The following ALG9 variants were observed in gnomAD, a reference collection of about 807,000 sequenced individuals.
ALG9 encodes the protein ALG9 alpha-1,2-mannosyltransferase, also known as alpha-1,2-mannosyltransferase ALG9.
In ALG9, 55 loss-of-function variants were observed where a neutral mutation model predicts 81.8. The ratio of observed to expected loss-of-function variants is 0.67; its 90% CI spans 0.54 to 0.84. The LOEUF is 0.84. Ranked by LOEUF, ALG9 falls within the 40% of genes least tolerant of loss-of-function variation. The pLI is 0.00. For missense variants in ALG9, 629 were observed against 745.0 expected, an observed-to-expected ratio of 0.84 and a Z score of 1.81; for synonymous variants, 278 against 274.3, an observed-to-expected ratio of 1.01 and a Z score of -0.13.
At chr11:111,779,426 T>C (rs1413447154), downstream of ALG9, among the ~76,000 whole-genome samples, 1 of 152,024 alleles carries the variant, frequency 6.6e-6, no homozygotes, top group Non-Finnish European at 1.5e-5. Flanking sequence ...TCAGAGGAAG[T>C]TTGTCACAAA....
At chr11:111,853,539 A>T in intron 7 of ALG9, 54 bp from the exon 8 acceptor site, 1 of 1,574,236 alleles carries the variant, frequency 6.4e-7, no homozygotes. Context: ...AAATGCTAAT[A>T]GGATAAACCT....
chr11:111,769,780 A>G, the ALG9 span, among the ~76,000 whole-genome samples: 1 of 152,344 alleles, frequency 6.6e-6, no homozygotes, highest in East Asian at 1.9e-4. Flanking sequence ...TACTTTGTTT[A>G]AAATACAAAT....
chr11:111,845,623 CT>C (rs1249646080), intron 8 of ALG9, among the ~76,000 whole-genome samples: 2 of 152,192 alleles, frequency 1.3e-5, no homozygotes, highest in African/African-American at 4.8e-5. Context: ...AACAGACCCC[CT>C]CTGCACATTT....
At chr11:111,870,139 A>G in intron 2 of ALG9, 93 bp downstream of exon 2, 2 of 1,294,054 alleles carry the variant, frequency 1.5e-6, no homozygotes, top group South Asian at 1.5e-5. Context: ...TTTTACTAGG[A>G]GTCACACTTG....
intron 4 of ALG9, among the ~76,000 whole-genome samples, chr11:111,863,274 C>T (rs1555149639): frequency 1.3e-5 from 2 of 152,152 alleles, no homozygotes; most frequent in East Asian, 1.9e-4. Flanking sequence ...GGCAGAATTG[C>T]TTGAACCCGG....
intron 13 of ALG9, among the ~76,000 whole-genome samples, chr11:111,832,211 T>G (rs1340543161): frequency 6.6e-6 from 1 of 152,240 alleles, no homozygotes; most frequent in Non-Finnish European, 1.5e-5. Context: ...CCACATTTAT[T>G]GTAGTATTTA....
chr11:111,775,143 G>GC, the ALG9 span, among the ~76,000 whole-genome samples: 1 of 152,260 alleles, frequency 6.6e-6, no homozygotes, highest in Non-Finnish European at 1.5e-5. Flanking sequence ...GATTTCAGCA[G>GC]CTAGGCACAC....
At chr11:111,773,397 A>T in the ALG9 span, among the ~76,000 whole-genome samples, 5 of 152,112 alleles carry the variant, frequency 3.3e-5, no homozygotes, top group Non-Finnish European at 7.4e-5. Context: ...GGCATGTGCC[A>T]CCATGCCTGG....
intron 13 of ALG9, among the ~76,000 whole-genome samples, chr11:111,822,722 T>TAAAC (rs1952631524): frequency 6.8e-6 from 1 of 147,258 alleles, no homozygotes; most frequent in African/African-American, 2.5e-5. Context: ...AAAAACAAAA[T>TAAAC]AAACAAACAA....
intron 9 of ALG9, among the ~76,000 whole-genome samples, chr11:111,841,051 G>A (rs1555123303): frequency 1.3e-5 from 2 of 152,054 alleles, no homozygotes. Flanking sequence ...GATTTGGTTA[G>A]GACACATATA....
At chr11:111,822,444 G>A (rs1952575201) in intron 13 of ALG9, among the ~76,000 whole-genome samples, 1 of 149,508 alleles carries the variant, frequency 6.7e-6, no homozygotes, top group Admixed American at 6.7e-5. Flanking sequence ...AGGTGCTGTG[G>A]CTCACACCTG....
Position 111,853,664 on chromosome 11 carries a change from G to T in ALG9, c.774C>A (p.Ala258=), listed in dbSNP as rs1555140959. 6.2e-7 allele frequency: 1 copy of T among 1,614,032 alleles called. No individual in the cohort carries two copies. Among genetic ancestry groups the T allele is most frequent in the Non-Finnish European group, 8.5e-7 (1 of 1,179,950 alleles). The stretch of plus-strand genomic sequence containing the variant: ...GAAAACTCACCAGAAATAGTATGAG[G>T]GCCATCAGCGACCAATGAAAGAAAC... ...WKSFFHWSLM[A]LILFLVPVVV... is the part of the protein sequence containing the mutation. Residue 258 remains alanine, a synonymous_variant, in exon 7 of 15, where the codon GCC becomes GCA. Transcript: ENST00000616540.
chr11:111,822,954 G>A (rs919497069), intron 13 of ALG9, among the ~76,000 whole-genome samples: 183 of 151,938 alleles, frequency 1.2e-3, no homozygotes, highest in African/African-American at 4.0e-3. Context: ...AACCCGGGAG[G>A]CGGAGATTGC....
intron 3 of ALG9, 55 bp downstream of exon 3, chr11:111,868,547 C>G: frequency 6.3e-7 from 1 of 1,588,716 alleles, no homozygotes; most frequent in Non-Finnish European, 8.6e-7. Context: ...CAAAACTATA[C>G]CAGAGACTCA....
At chr11:111,798,696 G>A (rs1001776932) in intron 14 of ALG9, among the ~76,000 whole-genome samples, 23 of 152,180 alleles carry the variant, frequency 1.5e-4, no homozygotes, top group Admixed American at 9.8e-4. Flanking sequence ...TTTAGACTCC[G>A]CATCCTAAGA....
intron 8 of ALG9, among the ~76,000 whole-genome samples, chr11:111,851,375 A>AG (rs1315746784): frequency 6.6e-6 from 1 of 151,438 alleles, no homozygotes; most frequent in African/African-American, 2.4e-5. Context: ...GATACTCAGG[A>AG]GGCTGAGGCA....
chr11:111,789,577 C>T (rs1555068533), intron 14 of ALG9, among the ~76,000 whole-genome samples: 2 of 151,582 alleles, frequency 1.3e-5, no homozygotes. Flanking sequence ...CGCGGTGGCT[C>T]ATGCCTGTAA....
chr11:111,807,757 C>T (rs1391179158), intron 14 of ALG9, among the ~76,000 whole-genome samples: 2 of 152,132 alleles, frequency 1.3e-5, no homozygotes, highest in African/African-American at 4.8e-5. Flanking sequence ...TGCTACTGCA[C>T]TCCAGACTGG....
intron 14 of ALG9, chr11:111,788,579 CA>C: frequency 2.5e-6 from 1 of 395,178 alleles, no homozygotes. Context: ...CCTGTGTTTA[CA>C]AAAAATGTTT....
Sources: allele counts gnomAD v4.1 joint callset (sites outside exome capture counted in the v4.1 genomes callset), GRCh38; gene constraint gnomAD v4.1.1; transcripts MANE v1.5; gene names NCBI Gene and HGNC (gene_info 2026-07-23, HGNC 2026-07-21).